DGKH: variants seen among roughly 807,000 people sequenced by gnomAD.
The protein encoded by DGKH is diacylglycerol kinase eta, also known as DAG kinase eta.
In DGKH, 90 loss-of-function variants were observed where a neutral mutation model predicts 159.3. The ratio of observed to expected loss-of-function variants is 0.57; its 90% CI spans 0.48 to 0.67. The LOEUF is 0.67. Ranked by LOEUF, DGKH falls within the 30% of genes least tolerant of loss-of-function variation. The probability of loss-of-function intolerance (pLI) is 0.00; values close to 1 mark genes in which losing one functional copy is unlikely to be tolerated. For synonymous variants in DGKH, 536 were observed against 553.8 expected, an observed-to-expected ratio of 0.97 and a Z score of 0.45; for missense variants, 1,181 against 1,506.1, an observed-to-expected ratio of 0.78 and a Z score of 3.57.
intron 1 of DGKH, among the ~76,000 whole-genome samples, chr13:42,055,008 G>C (rs1379921098): frequency 1.3e-5 from 2 of 152,174 alleles, no homozygotes. Context: ...TGAATTTCAT[G>C]TAATTTTCAT....
chr13:42,091,346 TCA>T (rs1954413659), intron 1 of DGKH, among the ~76,000 whole-genome samples: 1 of 152,134 alleles, frequency 6.6e-6, no homozygotes, highest in African/African-American at 2.4e-5. Flanking sequence ...CTTCTGTGTG[TCA>T]AAAGACACTA....
chr13:42,193,019 T>C (rs1325627003), intron 16 of DGKH, among the ~76,000 whole-genome samples: 1 of 152,232 alleles, frequency 6.6e-6, no homozygotes, highest in African/African-American at 2.4e-5. Flanking sequence ...TGAACTTTTA[T>C]CTTTTTTATT....
chr13:42,218,054 C>T (rs1249418626), intron 26 of DGKH, among the ~76,000 whole-genome samples: 1 of 152,090 alleles, frequency 6.6e-6, no homozygotes, highest in Non-Finnish European at 1.5e-5. Flanking sequence ...TCATCATCAT[C>T]ATCATCACCT....
At position 42,229,253 on chromosome 13, in the gene DGKH, G is replaced by A; in HGVS notation, c.*65G>A. 1.4e-6 allele frequency: 2 copies of A among 1,439,900 alleles called. No homozygotes were observed. Among genetic ancestry groups the A allele is most frequent in the East Asian group, 2.4e-5 (1 of 41,808 alleles). The allele number at this position is 1,439,900 out of a possible 1,614,324, so 89.2% of individuals were successfully genotyped here. On this transcript the variant is annotated 3_prime_UTR_variant, in exon 30 of 30. Transcript: ENST00000337343. The stretch of plus-strand genomic sequence containing the variant: ...CTTAATACAAAGTCCTTGGAAGCAA[G>A]TGGCTGTTCTTGTAGTTTTCTGCAT...
rs967914209 is a variant in DGKH at position 42,229,070 on chromosome 13, T to G, written c.3574-29T>G. ...TGTTTTTTCTTTCATTTTTAATTAT[T>G]TCTACCTTTTTCTGTTCTTTTATTT... On this transcript the variant is annotated intron_variant, in intron 29 of 29. Coordinates refer to ENST00000337343, the MANE Select transcript of DGKH (RefSeq NM_178009.5). The G allele has an allele frequency of 2.6e-6, 4 of 1,566,372 alleles. No individual in the cohort carries two copies. In the South Asian group the frequency reaches 4.7e-5, roughly 19 times the overall value.
Position 42,048,793 on chromosome 13 carries a change from A to C in DGKH, c.20A>C (p.Gln7Pro), listed in dbSNP as rs115825639. 5.3e-3 allele frequency: 7,006 copies of C among 1,312,002 alleles called. 291 individuals are homozygous for C. The African/African-American group carries it at 0.09, about 17-fold the overall frequency. 81.3% of individuals were successfully genotyped at this position (1,312,002 alleles called of 1,614,324 possible). A position where few individuals can be genotyped will look rare whatever the true frequency, so the allele number is the denominator to read the frequency against. The change falls in exon 1 of 30, where the codon CAG becomes CCG. Residue 7 changes from glutamine to proline, a missense_variant. By Grantham distance (76) the Gln-to-Pro change is moderately conservative. Around this residue, in one of 5 missense-constraint regions of DGKH, gnomAD observed 136 missense variants for 132.2 expected, o/e 1.03. Transcript: ENST00000337343. The surrounding 1 kb of genome is among the most constrained non-coding windows in gnomAD (Gnocchi z 6.7). Reference sequence around the variant, plus strand: ...GAGAGGATGGCAGGGGCCGGAGGCCAGCACCACCCTCCGGGCGCCGCTGGA... The same window carrying C: ...GAGAGGATGGCAGGGGCCGGAGGCCCGCACCACCCTCCGGGCGCCGCTGGA... The part of the protein sequence containing the change: MAGAGG[Q>P]HHPPGAAGGA...
At chr13:42,255,886 A>T in intron 30 of DGKH, 1 of 1,390,852 alleles carries the variant, frequency 7.2e-7, no homozygotes, top group African/African-American at 1.4e-5. Context: ...AGGTTGCTGC[A>T]AAATTGGCTG....
At chr13:42,156,074 G>A (rs1956036584) in intron 5 of DGKH, among the ~76,000 whole-genome samples, 1 of 152,030 alleles carries the variant, frequency 6.6e-6, no homozygotes, top group South Asian at 2.1e-4. Context: ...TGATTATGGA[G>A]AGCAAAACTT....
chr13:42,163,384 G>A (rs921717020), intron 7 of DGKH, among the ~76,000 whole-genome samples: 1 of 152,088 alleles, frequency 6.6e-6, no homozygotes, highest in African/African-American at 2.4e-5. Flanking sequence ...CCCAGTAATG[G>A]GATGGCTGGG....
intron 1 of DGKH, among the ~76,000 whole-genome samples, chr13:42,094,754 G>A (rs1954489203): frequency 6.6e-6 from 1 of 152,106 alleles, no homozygotes; most frequent in Non-Finnish European, 1.5e-5. Flanking sequence ...AAGCCCATAT[G>A]TTGTTTTCCA....
chr13:42,119,598 T>A (rs1955028167), intron 1 of DGKH, among the ~76,000 whole-genome samples: 1 of 152,234 alleles, frequency 6.6e-6, no homozygotes, highest in Non-Finnish European at 1.5e-5. Context: ...AGTTTTTAGC[T>A]CTTATCCCAA....
rs1201891191 is a variant in DGKH, at chr13:42,219,758, G to A, written c.3406G>A (p.Glu1136Lys). The A allele has an allele frequency of 1.9e-6, 3 of 1,613,558 alleles. No homozygotes were observed. The highest frequency in any genetic ancestry group is 2.2e-5 in the East Asian group (1 of 44,828). The change falls in exon 28 of 30, where the codon GAA becomes AAA. Residue 1136 changes from glutamate to lysine, a missense_variant. Physicochemically the swap from Glu to Lys is moderately conservative, Grantham distance 56 (BLOSUM62 1). Around this residue, in one of 5 missense-constraint regions of DGKH, gnomAD observed 335 missense variants for 495.2 expected, o/e 0.68. Coordinates refer to ENST00000337343, the MANE Select transcript of DGKH (RefSeq NM_178009.5). ...VFRIVPKFKK[E>K]KVQKQKTSSQ... ...TCGAATAGTGCCAAAGTTTAAAAAG[G>A]AAAAGGTTCAGAAGCAGAAGACAAG...
intron 1 of DGKH, among the ~76,000 whole-genome samples, chr13:42,102,357 A>G (rs1258132338): frequency 6.6e-6 from 1 of 152,268 alleles, no homozygotes; most frequent in Non-Finnish European, 1.5e-5. Context: ...TCTGCTGTCC[A>G]GGGGCCAGGA....
intron 5 of DGKH, among the ~76,000 whole-genome samples, chr13:42,157,206 T>C (rs1275557885): frequency 6.6e-6 from 1 of 152,162 alleles, no homozygotes; most frequent in Admixed American, 6.5e-5. Context: ...ATTATGACTT[T>C]AGTAATCTAA....
rs372811694 is a variant in DGKH, at chr13:42,071,764, G to A, written c.192+22799G>A. On this transcript the variant is annotated intron_variant, in intron 1 of 29. Transcript: ENST00000337343. ...GACTCATCAAGAGAGTGCAGGCCCC[G>A]CGGACAGCCCCCAATGTCAGCTCAG... 8.1e-4 allele frequency among the ~76,000 whole-genome samples: 124 copies of A among 152,304 alleles called. No homozygotes were observed. The East Asian group carries it at 0.011, about 13-fold the overall frequency.
intron 13 of DGKH, among the ~76,000 whole-genome samples, chr13:42,183,288 T>TA (rs5803120): frequency 0.26 from 37,451 of 144,418 alleles, 5,241 homozygotes; most frequent in Non-Finnish European, 0.33. Context: ...GATCCCGTCT[T>TA]AAAAAAAAAA....
In DGKH at chr13:42,166,558, G is replaced by A. The variant is rs1291341888; in HGVS notation, c.1002G>A (p.Leu334=). The A allele has an allele frequency of 1.3e-6, 2 of 1,596,808 alleles. No individual in the cohort carries two copies. Among genetic ancestry groups the A allele is most frequent in the Non-Finnish European group, 1.7e-6 (2 of 1,172,124 alleles). The stretch of plus-strand genomic sequence containing the variant: ...TTTCGTTCTGTGTTAGTCCTCTATT[G>A]GTTTTTGTCAATTCTAAGAGTGGAG... ...ATFSFCVSPL[L]VFVNSKSGDN... Residue 334 remains leucine, a synonymous_variant, in exon 9 of 30, where the codon TTG becomes TTA. Transcript: ENST00000337343.
At chr13:42,224,147 CA>C (rs1341666979) in intron 29 of DGKH, among the ~76,000 whole-genome samples, 1 of 152,136 alleles carries the variant, frequency 6.6e-6, no homozygotes, top group Non-Finnish European at 1.5e-5. Context: ...TTTCTTTATG[CA>C]GTCATCCATT....
intron 21 of DGKH, among the ~76,000 whole-genome samples, chr13:42,207,838 A>T (rs562143841): frequency 1.3e-3 from 193 of 151,994 alleles, no homozygotes; most frequent in African/African-American, 4.4e-3. Flanking sequence ...TCTTAAATGG[A>T]CAGATAGGGA....
Sources: allele counts gnomAD v4.1 joint callset (sites outside exome capture counted in the v4.1 genomes callset), GRCh38; gene constraint gnomAD v4.1.1; regional missense constraint gnomAD v4.1.1; non-coding constraint Gnocchi (gnomAD v3.1); transcripts MANE v1.5; gene names NCBI Gene and HGNC (gene_info 2026-07-23, HGNC 2026-07-21).